ACP2: variants seen among roughly 807,000 people sequenced by gnomAD.
The protein encoded by ACP2 is lysosomal acid phosphatase.
Under a neutral mutation model 54.7 loss-of-function variants are expected in ACP2, and 35 were observed. The observed-to-expected ratio is 0.64, with a 90% CI of 0.49 to 0.85. ACP2 has a LOEUF of 0.85. Ranked by LOEUF, ACP2 falls within the 40% of genes least tolerant of loss-of-function variation. The pLI, the probability that ACP2 is intolerant of heterozygous loss-of-function variation, is 0.00. For missense variants in ACP2, 492 were observed against 565.0 expected, an observed-to-expected ratio of 0.87 and a Z score of 1.31; for synonymous variants, 210 against 224.4, an observed-to-expected ratio of 0.94 and a Z score of 0.57.
intron 9 of ACP2, 50 bp downstream of exon 9, chr11:47,242,968 A>G (rs754295344): frequency 8.1e-6 from 13 of 1,612,448 alleles, no homozygotes; most frequent in Non-Finnish European, 1.1e-5. Flanking sequence ...GGCTGCCCCG[A>G]GCCACCTCCC....
chr11:47,248,260 G>A (rs1209453224), intron 1 of ACP2, 127 bp from the exon 2 acceptor site: 24 of 1,090,170 alleles, frequency 2.2e-5, no homozygotes, highest in Non-Finnish European at 1.8e-5. Flanking sequence ...GGCTGCAAAA[G>A]ACCCCAGCTA....
In ACP2 at chr11:47,248,185, G is replaced by A. The variant is rs774128319; in HGVS notation, c.115-52C>T. ...AGGTCAGAAGCATCCCCTTGATAGG[G>A]ACCCAGAGCCTACCTTTTGCCCCAT... On this transcript the variant is annotated intron_variant, in intron 1 of 10. Coordinates refer to ENST00000672073, the MANE Select transcript of ACP2 (RefSeq NM_001610.4). 4 of 1,490,004 alleles carry A rather than the reference G, an allele frequency of 2.7e-6. No homozygotes were observed. The South Asian group carries it at 3.9e-5, about 15-fold the overall frequency. The allele number at this position is 1,490,004 out of a possible 1,614,324, so 92.3% of individuals were successfully genotyped here.
At chr11:47,248,179 G>T in intron 1 of ACP2, 46 bp from the exon 2 acceptor site, 1 of 1,514,774 alleles carries the variant, frequency 6.6e-7, no homozygotes, top group Non-Finnish European at 8.9e-7. Flanking sequence ...GCATCCCCTT[G>T]ATAGGGACCC....
At position 47,248,021 on chromosome 11, in the gene ACP2, G is replaced by A. The variant is rs368970904; in HGVS notation, c.210+17C>T. ...ATTCTGCAGCTCATCCTGAGGAAAGGCTGGCTTCTGACCCACCTTGGTTAA... is the reference window on the plus strand; with the variant it reads ...ATTCTGCAGCTCATCCTGAGGAAAGACTGGCTTCTGACCCACCTTGGTTAA... On this transcript the variant is annotated intron_variant, in intron 2 of 10. Coordinates refer to ENST00000672073, the MANE Select transcript of ACP2 (RefSeq NM_001610.4). The A allele has an allele frequency of 4.5e-6, 7 of 1,571,662 alleles. No homozygotes were observed. Among genetic ancestry groups the A allele is most frequent in the Admixed American group, 2.0e-5 (1 of 50,856 alleles).
intron 9 of ACP2, 47 bp from the exon 10 acceptor site, chr11:47,242,945 C>T (rs1953929422): frequency 6.2e-7 from 1 of 1,609,842 alleles, no homozygotes; most frequent in Non-Finnish European, 8.5e-7. Flanking sequence ...GCCTGCCCAT[C>T]ATGGGGTCCT....
Position 47,248,209 on chromosome 11 carries a change from A to G in ACP2, c.115-76T>C. 4 of 1,404,298 alleles carry G rather than the reference A, an allele frequency of 2.8e-6. No individual in the cohort carries two copies. In the South Asian group the frequency reaches 5.5e-5, roughly 19 times the overall value. The allele number at this position is 1,404,298 out of a possible 1,614,324, so 87.0% of individuals were successfully genotyped here. The stretch of plus-strand genomic sequence containing the variant: ...GGACCCAGAGCCTACCTTTTGCCCC[A>G]TGTTAGGGAAGGAAGTCTCATTCCC... On this transcript the variant is annotated intron_variant, in intron 1 of 10. Coordinates refer to ENST00000672073, the MANE Select transcript of ACP2 (RefSeq NM_001610.4).
At chr11:47,244,922 G>C (rs1954009560) in intron 6 of ACP2, 55 bp from the exon 7 acceptor site, 2 of 1,527,676 alleles carry the variant, frequency 1.3e-6, no homozygotes, top group East Asian at 4.6e-5. Flanking sequence ...CCTCTCCAGG[G>C]GGCAGCTCTC....
Position 47,243,058 on chromosome 11 carries a change from CG to C in ACP2, c.921del (p.Tyr307Ter). 1 of 1,614,240 alleles carries C rather than the reference CG, an allele frequency of 6.2e-7. No homozygotes were observed. Among genetic ancestry groups the C allele is most frequent in the Non-Finnish European group, 8.5e-7 (1 of 1,180,038 alleles). On this transcript the variant is annotated frameshift_variant, in exon 9 of 11. Transcript: ENST00000672073. LOFTEE classifies it high-confidence loss of function. ...LDVYNGEQAP[Y>X]ASCHIFELYQ... ...TACAGTTCAAATATGTGGCAGGAGG[CG>C]TAGGGGGCTTGTTCACCATTGTAGA...
Position 47,248,770 on chromosome 11 carries a change from C to A in ACP2, c.20G>T (p.Gly7Val). Residue 7 changes from glycine (G) to valine (V), a missense_variant, in exon 1 of 11, where the codon GGC (glycine) becomes GTC (valine). By Grantham distance (109) the Gly-to-Val change is moderately radical. Transcript: ENST00000672073. MAGKRS[G>V]WSRAALLQLL... ...CTGGAGGAGAGCCGCCCGGCTCCAG[C>A]CGGACCGCTTGCCCGCCATCACCGT... 1 of 1,599,212 alleles carries A rather than the reference C, an allele frequency of 6.3e-7. No homozygotes were observed. Among genetic ancestry groups the A allele is most frequent in the Admixed American group, 1.7e-5 (1 of 57,778 alleles).
intron 3 of ACP2, chr11:47,247,379 TCA>T (rs1954184093): frequency 9.0e-6 from 5 of 555,580 alleles, no homozygotes; most frequent in Admixed American, 3.1e-5. Context: ...GCCTGTGATT[TCA>T]CAGTCAGAAA....
intron 5 of ACP2, 35 bp from the exon 6 acceptor site, chr11:47,245,429 T>C (rs773070237): frequency 3.7e-5 from 59 of 1,614,110 alleles, no homozygotes; most frequent in Non-Finnish European, 4.7e-5. Context: ...AGTCCTGCTC[T>C]GGGGAAAAGA....
Position 47,239,709 on chromosome 11 carries a change from G to A in ACP2, c.*407C>T, listed in dbSNP as rs11988. ...AAAATAAGCACTGAGAGGCAAGACC[G>A]TGTCCCTCTGAGCTATTTGCCGAAG... On this transcript the variant is annotated 3_prime_UTR_variant, in exon 11 of 11. Coordinates refer to ENST00000672073, the MANE Select transcript of ACP2 (RefSeq NM_001610.4). The A allele has an allele frequency of 0.28, 46,675 of 166,912 alleles. 7,834 individuals carry two copies. Among genetic ancestry groups the A allele is most frequent in the Non-Finnish European group, 0.39 (29,934 of 77,732 alleles). 10.3% of individuals were successfully genotyped at this position (166,912 alleles called of 1,614,324 possible).
At position 47,240,102 on chromosome 11, in the gene ACP2, G is replaced by C. The variant is rs577321612; in HGVS notation, c.*14C>G. 6.2e-7 allele frequency: 1 copy of C among 1,611,324 alleles called. No individual in the cohort carries two copies. The highest frequency in any genetic ancestry group is 1.1e-5 in the South Asian group (1 of 90,782). On this transcript the variant is annotated 3_prime_UTR_variant, in exon 11 of 11. Transcript: ENST00000672073. ...CCTCCCCTAGGAGGTGGAGGGAAGGGGGCTGAGTGGTTGTCAGGCGTGGTC... is the reference window on the plus strand; with the variant it reads ...CCTCCCCTAGGAGGTGGAGGGAAGGCGGCTGAGTGGTTGTCAGGCGTGGTC...
At chr11:47,245,034 G>A in intron 6 of ACP2, 167 bp from the exon 7 acceptor site, 1 of 1,314,166 alleles carries the variant, frequency 7.6e-7, no homozygotes, top group Non-Finnish European at 1.0e-6. Context: ...ATGCTTCAGG[G>A]CACAGGAAAG....
chr11:47,243,426 C>T (rs1223273854), intron 7 of ACP2, 105 bp from the exon 8 acceptor site: 1 of 899,038 alleles, frequency 1.1e-6, no homozygotes, highest in East Asian at 2.6e-5. Flanking sequence ...GCCTCATCAC[C>T]TACACGGAGA....
chr11:47,247,027 G>A (rs1441452362), intron 3 of ACP2, among the ~76,000 whole-genome samples: 2 of 152,278 alleles, frequency 1.3e-5, no homozygotes, highest in South Asian at 2.1e-4. Flanking sequence ...GAGGCTGACA[G>A]TGGTAATCAG....
chr11:47,244,718 C>T lies in ACP2; in HGVS notation c.772+17G>A, dbSNP rs373222996. 6.3e-7 allele frequency: 1 copy of T among 1,583,074 alleles called. No individual in the cohort carries two copies. The highest frequency in any genetic ancestry group is 8.6e-7 in the Non-Finnish European group (1 of 1,158,864). On this transcript the variant is annotated intron_variant, in intron 7 of 10. Coordinates refer to ENST00000672073, the MANE Select transcript of ACP2 (RefSeq NM_001610.4). ...GGGTCCTGAGGAGTAGAGTGACACG[C>T]TGTCCTTGTCACTCACCCCCCTGAA...
intron 7 of ACP2, among the ~76,000 whole-genome samples, chr11:47,243,547 C>T (rs1311091307): frequency 6.6e-6 from 1 of 152,188 alleles, no homozygotes; most frequent in Non-Finnish European, 1.5e-5. Context: ...GCCTATATTT[C>T]AACACGGATG....
In ACP2 at chr11:47,240,221, G is replaced by A; in HGVS notation, c.1167C>T (p.Gly389=). The change falls in exon 11 of 11, where the codon GGC becomes GGT. Residue 389 remains glycine, a synonymous_variant. Transcript: ENST00000672073. ...TEVIVALAVC[G]SILFLLIVLL... ...GCACTATGAGGAGGAAGAGGATGGA[G>A]CCACATACAGCCAAGGCCACAATCA... The A allele has an allele frequency of 1.3e-6, 2 of 1,588,546 alleles. No individual in the cohort carries two copies. Among genetic ancestry groups the A allele is most frequent in the Non-Finnish European group, 8.6e-7 (1 of 1,156,604 alleles).
Sources: allele counts gnomAD v4.1 joint callset (sites outside exome capture counted in the v4.1 genomes callset), GRCh38; gene constraint gnomAD v4.1.1; transcripts MANE v1.5; gene names NCBI Gene and HGNC (gene_info 2026-07-23, HGNC 2026-07-21).